EVPLL: variants seen among roughly 807,000 people sequenced by gnomAD.
EVPLL encodes envoplakin-like protein.
Under a neutral mutation model 46.2 loss-of-function variants are expected in EVPLL, and 39 were observed. The ratio of observed to expected loss-of-function variants is 0.84; its 90% CI spans 0.65 to 1.10. The LOEUF (loss-of-function observed/expected upper bound fraction) is 1.10, where lower values mean the gene tolerates loss of function less well. EVPLL is among the 50% of genes least tolerant of loss of function. The pLI, the probability that EVPLL is intolerant of heterozygous loss-of-function variation, is 0.00. For missense variants in EVPLL, 385 were observed against 412.6 expected (o/e 0.93, Z 0.58); for synonymous variants, 156 against 165.8 (o/e 0.94, Z 0.46).
chr17:18,382,734 G>C, intron 5 of EVPLL, 92 bp from the exon 6 acceptor site: 1 of 1,559,746 alleles, frequency 6.4e-7, no homozygotes, highest in East Asian at 2.4e-5. Flanking sequence ...CTGGGGATAG[G>C]GGTGGGTGGG....
At chr17:18,380,626 C>T in intron 1 of EVPLL, 2 of 319,550 alleles carry the variant, frequency 6.3e-6, no homozygotes, top group Non-Finnish European at 1.2e-5. Flanking sequence ...ACTGCCAGCA[C>T]AGCTGGCTGA....
At position 18,381,303 on chromosome 17, in the gene EVPLL, A is replaced by T; in HGVS notation, c.64-64A>T. 1 of 1,484,996 alleles carries T rather than the reference A, an allele frequency of 6.7e-7. No homozygotes were observed. The highest frequency in any genetic ancestry group is 9.0e-7 in the Non-Finnish European group (1 of 1,115,716). The allele number at this position is 1,484,996 out of a possible 1,614,324, so 92.0% of individuals were successfully genotyped here. A position where few individuals can be genotyped will look rare whatever the true frequency, so the allele number is the denominator to read the frequency against. ...CCCAAAGGTGGGGCTCAGGCCCACAATGATGGGCAGCAGGGGTGTGGGGGC... is the reference window on the plus strand; with the variant it reads ...CCCAAAGGTGGGGCTCAGGCCCACATTGATGGGCAGCAGGGGTGTGGGGGC... On this transcript the variant is annotated intron_variant, in intron 2 of 10. Transcript: ENST00000399134. The surrounding 1 kb of genome is among the most constrained non-coding windows in gnomAD (Gnocchi z 4.2).
chr17:18,387,054 A>G (rs1242113311), intron 9 of EVPLL, among the ~76,000 whole-genome samples: 1 of 110,706 alleles, frequency 9.0e-6, no homozygotes, highest in Non-Finnish European at 2.0e-5. Flanking sequence ...GCCACCACGC[A>G]TGGCTAATTT....
chr17:18,383,491 G>A lies in EVPLL; in HGVS notation c.781-1G>A. The stretch of plus-strand genomic sequence containing the variant: ...CGAGGGCTCCGTGCTGCGGTACCCA[G>A]GCCCACCAGGAGGCCCTGAAGATGG... On this transcript the variant is annotated splice_acceptor_variant, in intron 8 of 10. Transcript: ENST00000399134. LOFTEE classifies it high-confidence loss of function. 1 of 1,573,446 alleles carries A rather than the reference G, an allele frequency of 6.4e-7. No homozygotes were observed.
chr17:18,385,802 T>G (rs1987746829), intron 9 of EVPLL, among the ~76,000 whole-genome samples: 1 of 152,234 alleles, frequency 6.6e-6, no homozygotes, highest in Admixed American at 6.5e-5. Flanking sequence ...GTTGGTTAAC[T>G]GTTCTTACAA....
At chr17:18,382,769 G>T in intron 5 of EVPLL, 57 bp from the exon 6 acceptor site, 1 of 1,581,010 alleles carries the variant, frequency 6.3e-7, no homozygotes, top group Non-Finnish European at 8.6e-7. Flanking sequence ...GATCTTAGGG[G>T]GCCGTCTCCC....
chr17:18,388,157 C>T (rs1161957203), intron 9 of EVPLL, 62 bp from the exon 10 acceptor site: 1 of 1,078,310 alleles, frequency 9.3e-7, no homozygotes, highest in East Asian at 2.5e-5. Flanking sequence ...GTGTAGGACC[C>T]TTACAACGTT....
At chr17:18,387,037 G>A (rs111785911) in intron 9 of EVPLL, among the ~76,000 whole-genome samples, 192 of 146,700 alleles carry the variant, frequency 1.3e-3, no homozygotes, top group African/African-American at 4.6e-3. Flanking sequence ...TGGGACTACA[G>A]GTGCCCGCCA....
rs1295217225 is a variant in EVPLL at position 18,381,595 on chromosome 17, C to T, written c.219-8C>T. ...CCAGCCCTGACCTGCTGGCCACCTT[C>T]TTGACAGCATCGAGCAGCTGCACGA... On this transcript the variant is annotated splice_region_variant and splice_polypyrimidine_tract_variant and intron_variant, in intron 3 of 10. Transcript: ENST00000399134. The surrounding 1 kb of genome is among the most constrained non-coding windows in gnomAD (Gnocchi z 4.2). 2 of 1,613,968 alleles carry T rather than the reference C, an allele frequency of 1.2e-6. No homozygotes were observed. The highest frequency in any genetic ancestry group is 1.7e-6 in the Non-Finnish European group (2 of 1,180,012).
chr17:18,377,977 A>G lies in EVPLL; in HGVS notation c.-43A>G. On this transcript the variant is annotated 5_prime_UTR_variant, in exon 1 of 11. Coordinates refer to ENST00000399134, the MANE Select transcript of EVPLL (RefSeq NM_001145127.2). ...TCCCCCAAAGGCTCCCCCAGCAAGC[A>G]CAGCTGGTGAGTGGGACTAGGGGAT... The G allele has an allele frequency of 1.1e-6, 1 of 929,648 alleles. No homozygotes were observed. The highest frequency in any genetic ancestry group is 3.4e-5 in the East Asian group (1 of 29,288). 57.6% of individuals were successfully genotyped at this position (929,648 alleles called of 1,614,324 possible).
intron 9 of EVPLL, among the ~76,000 whole-genome samples, chr17:18,385,116 G>A (rs928476533): frequency 7.3e-5 from 11 of 150,982 alleles, no homozygotes; most frequent in South Asian, 2.1e-4. Context: ...CCCAGTTTCC[G>A]GTGCAGTTGT....
chr17:18,387,020 A>C (rs988297564), intron 9 of EVPLL, among the ~76,000 whole-genome samples: 2 of 150,644 alleles, frequency 1.3e-5, no homozygotes, highest in Non-Finnish European at 3.0e-5. Context: ...TCAGCCTCCC[A>C]AGTAGCTGGG....
chr17:18,382,336 C>T (rs1987605701), intron 4 of EVPLL, 177 bp from the exon 5 acceptor site: 2 of 718,604 alleles, frequency 2.8e-6, no homozygotes, highest in African/African-American at 1.8e-5. Context: ...CAGTGGCCAC[C>T]CTGCAGAGCA....
At position 18,377,812 on chromosome 17, in the gene EVPLL, G is replaced by C; in HGVS notation, c.-208G>C. 1 of 616,364 alleles carries C rather than the reference G, an allele frequency of 1.6e-6. No homozygotes were observed. The highest frequency in any genetic ancestry group is 2.8e-6 in the Non-Finnish European group (1 of 357,406). 38.2% of individuals were successfully genotyped at this position (616,364 alleles called of 1,614,324 possible). A position where few individuals can be genotyped will look rare whatever the true frequency, so the allele number is the denominator to read the frequency against. On this transcript the variant is annotated 5_prime_UTR_variant, in exon 1 of 11. Transcript: ENST00000399134. ...AGCTGACCAGCCAGCAAGGACGCCCGCTGCCTCCCACCTGCCCTCCTGCCC... is the reference window on the plus strand; with the variant it reads ...AGCTGACCAGCCAGCAAGGACGCCCCCTGCCTCCCACCTGCCCTCCTGCCC...
Position 18,378,089 on chromosome 17 carries a change from G to T in EVPLL, c.-37+106G>T, listed in dbSNP as rs1477935636. The T allele has an allele frequency of 5.1e-6, 2 of 391,826 alleles. 1 individual carries two copies. The highest frequency in any genetic ancestry group is 9.7e-5 in the South Asian group (2 of 20,656). 24.3% of individuals were successfully genotyped at this position (391,826 alleles called of 1,614,324 possible). ...CGGCCCAGAGCCCAGGACCAGCCCC[G>T]TGCTGGCATTTGGTGTCCCGAGGAC... is the stretch of plus-strand genomic sequence containing the variant. On this transcript the variant is annotated intron_variant, in intron 1 of 10. Coordinates refer to ENST00000399134, the MANE Select transcript of EVPLL (RefSeq NM_001145127.2).
chr17:18,383,429 G>A (rs1350153744), intron 8 of EVPLL, 51 bp downstream of exon 8: 20 of 1,542,604 alleles, frequency 1.3e-5, no homozygotes, highest in East Asian at 7.4e-5. Flanking sequence ...GGCGGGGAAG[G>A]GGGGGGTGGA....
At chr17:18,386,821 A>G (rs1281461249) in intron 9 of EVPLL, among the ~76,000 whole-genome samples, 1 of 152,010 alleles carries the variant, frequency 6.6e-6, no homozygotes, top group Admixed American at 6.5e-5. Flanking sequence ...GGGTGCTGAA[A>G]AGGTGTTAGG....
intron 4 of EVPLL, chr17:18,382,079 T>A (rs760488837): frequency 1.3e-5 from 5 of 394,718 alleles, no homozygotes; most frequent in African/African-American, 2.0e-5. Flanking sequence ...GGCATTCTGA[T>A]CCCTGGTTGA....
At chr17:18,382,021 C>A in intron 4 of EVPLL, 1 of 466,062 alleles carries the variant, frequency 2.1e-6, no homozygotes, top group Non-Finnish European at 3.9e-6. Context: ...GCCTAGGATT[C>A]GATGGGAAGT....
Sources: gnomAD v4.1 joint callset for allele counts (sites outside exome capture counted in the v4.1 genomes callset) on GRCh38, gnomAD v4.1.1 for gene constraint, Gnocchi (gnomAD v3.1) non-coding constraint, MANE v1.5 for transcripts, NCBI Gene and HGNC (gene_info 2026-07-23, HGNC 2026-07-21) for gene names.